WWOX: variants seen among roughly 807,000 people sequenced by gnomAD.
WWOX encodes the protein WW domain containing oxidoreductase, also known as WW domain-containing oxidoreductase.
In WWOX, 69 loss-of-function variants were observed where a neutral mutation model predicts 46.2. The observed-to-expected ratio is 1.49, with a 90% CI of 1.23 to 1.82. WWOX has a LOEUF of 1.82. WWOX is among the 40% of genes most tolerant of loss of function. The probability of loss-of-function intolerance (pLI) is 0.00; values close to 1 mark genes in which losing one functional copy is unlikely to be tolerated. For synonymous variants in WWOX, 359 were observed against 202.6 expected (o/e 1.77, Z -6.56); for missense variants, 919 against 542.6 (o/e 1.69, Z -6.89).
At chr16:78,968,115 C>T (rs910392748) in intron 8 of WWOX, among the ~76,000 whole-genome samples, 2 of 115,378 alleles carry the variant, frequency 1.7e-5, no homozygotes, top group African/African-American at 6.9e-5. Flanking sequence ...GCGTGGTCCG[C>T]GTGGCACAGC....
chr16:79,092,009 G>T (rs765566964), intron 8 of WWOX, among the ~76,000 whole-genome samples: 2 of 152,120 alleles, frequency 1.3e-5, no homozygotes, highest in Non-Finnish European at 2.9e-5. Flanking sequence ...TCGATCTCTT[G>T]ACCTCGTGAT....
rs144297188 is a variant in WWOX, at chr16:78,721,633, G to C, written c.1056+288881G>C. Among the ~76,000 whole-genome samples, 153 of 152,300 alleles carry C rather than the reference G, an allele frequency of 1.0e-3. 1 individual carries two copies. The highest frequency in any genetic ancestry group is 3.6e-3 in the African/African-American group (148 of 41,578). ...AAGCAGGACATGTGCTTTGAAATTT[G>C]ATTCCTCCGTCACTGGCTGTGTGAC... On this transcript the variant is annotated intron_variant, in intron 8 of 8. Coordinates refer to ENST00000566780, the MANE Select transcript of WWOX (RefSeq NM_016373.4).
chr16:78,485,644 G>A (rs964804930), intron 8 of WWOX, among the ~76,000 whole-genome samples: 2 of 152,198 alleles, frequency 1.3e-5, no homozygotes, highest in Admixed American at 1.3e-4. Flanking sequence ...AGCACTGCCC[G>A]CCGCGTGAAG....
At chr16:78,763,242 C>T (rs572634927) in intron 8 of WWOX, among the ~76,000 whole-genome samples, 2 of 152,256 alleles carry the variant, frequency 1.3e-5, no homozygotes, top group South Asian at 2.1e-4. Flanking sequence ...CTTCTAAGTA[C>T]TGCTTTACCT....
intron 6 of WWOX, among the ~76,000 whole-genome samples, chr16:78,403,370 A>G (rs1231977431): frequency 6.6e-6 from 1 of 152,248 alleles, no homozygotes; most frequent in African/African-American, 2.4e-5. Context: ...AAGTTATTAA[A>G]AAATTAATGT....
chr16:78,756,663 C>G (rs996227494), intron 8 of WWOX, among the ~76,000 whole-genome samples: 2 of 152,130 alleles, frequency 1.3e-5, no homozygotes, highest in Non-Finnish European at 2.9e-5. Context: ...TTGTTTCACC[C>G]TGTTTGTTCA....
intron 8 of WWOX, among the ~76,000 whole-genome samples, chr16:79,012,479 C>T (rs1597275424): frequency 6.6e-6 from 1 of 152,106 alleles, no homozygotes; most frequent in Non-Finnish European, 1.5e-5. Context: ...AAGTGATTTG[C>T]CCACCTTAGC....
At chr16:78,537,554 C>T (rs1236019721) in intron 8 of WWOX, among the ~76,000 whole-genome samples, 2 of 152,092 alleles carry the variant, frequency 1.3e-5, no homozygotes, top group Admixed American at 6.6e-5. Flanking sequence ...ATTGGTCATG[C>T]TGACATACTA....
chr16:78,161,266 G>C (rs1040322897), intron 4 of WWOX, among the ~76,000 whole-genome samples: 1 of 151,516 alleles, frequency 6.6e-6, no homozygotes, highest in African/African-American at 2.4e-5. Flanking sequence ...GCCATCTTTA[G>C]GCCATTTATA....
chr16:78,688,206 A>T (rs1302256339), intron 8 of WWOX, among the ~76,000 whole-genome samples: 4 of 151,908 alleles, frequency 2.6e-5, no homozygotes, highest in African/African-American at 4.8e-5. Flanking sequence ...AAGTGACAAG[A>T]TGTCCAAATG....
chr16:78,170,970 A>G (rs2035137207), intron 5 of WWOX, among the ~76,000 whole-genome samples: 1 of 152,206 alleles, frequency 6.6e-6, no homozygotes, highest in Non-Finnish European at 1.5e-5. Flanking sequence ...TTTTCAATAG[A>G]GTTGATATCG....
chr16:78,525,639 C>T (rs927289381), intron 8 of WWOX: 4 of 152,118 alleles, frequency 2.6e-5, no homozygotes, highest in African/African-American at 9.7e-5. Context: ...GCAATATCTT[C>T]TATCTTTTCC....
chr16:78,923,089 C>A (rs1241869674), intron 8 of WWOX, among the ~76,000 whole-genome samples: 1 of 151,070 alleles, frequency 6.6e-6, no homozygotes, highest in Non-Finnish European at 1.5e-5. Context: ...TCAAGTGATT[C>A]TCCTGCCTCA....
chr16:78,830,687 G>A (rs948312468), intron 8 of WWOX, among the ~76,000 whole-genome samples: 3 of 151,678 alleles, frequency 2.0e-5, no homozygotes, highest in South Asian at 2.1e-4. Flanking sequence ...TGACAGGTAC[G>A]GCCGTGCAGC....
intron 8 of WWOX, among the ~76,000 whole-genome samples, chr16:78,751,461 T>TATATATATTTATCAGATTATATA (rs1555528822): frequency 2.3e-4 from 29 of 128,424 alleles, no homozygotes; most frequent in African/African-American, 7.2e-4. Context: ...TTATCAGATT[T>TATATATATTTATCAGATTATATA]TATATATATA....
intron 8 of WWOX, among the ~76,000 whole-genome samples, chr16:79,122,818 C>T (rs948058531): frequency 6.6e-6 from 1 of 152,160 alleles, no homozygotes; most frequent in Non-Finnish European, 1.5e-5. Context: ...GGGAAGTGAG[C>T]TCAATGAAAT....
chr16:78,514,018 T>C (rs1353826272), intron 8 of WWOX, among the ~76,000 whole-genome samples: 3 of 152,110 alleles, frequency 2.0e-5, no homozygotes, highest in East Asian at 1.9e-4. Context: ...AGAATAGTTG[T>C]ATGTCACAAT....
intron 5 of WWOX, among the ~76,000 whole-genome samples, chr16:78,207,279 T>C (rs1182586014): frequency 6.6e-6 from 1 of 152,234 alleles, no homozygotes; most frequent in Non-Finnish European, 1.5e-5. Flanking sequence ...CATTTTTAAA[T>C]AGTGGGCTTT....
chr16:78,611,056 T>C (rs373771928), intron 8 of WWOX, among the ~76,000 whole-genome samples: 4 of 152,210 alleles, frequency 2.6e-5, no homozygotes, highest in African/African-American at 9.7e-5. Flanking sequence ...ATATGTTGTT[T>C]AATTGAGTTT....
Sources: allele counts gnomAD v4.1 joint callset (sites outside exome capture counted in the v4.1 genomes callset), GRCh38; gene constraint gnomAD v4.1.1; transcripts MANE v1.5; gene names NCBI Gene and HGNC (gene_info 2026-07-23, HGNC 2026-07-21).